CAMTA1: variants seen among roughly 807,000 people sequenced by gnomAD.
CAMTA1 encodes calmodulin-binding transcription activator 1.
Under a neutral mutation model 170.9 loss-of-function variants are expected in CAMTA1, and 27 were observed. The ratio of observed to expected loss-of-function variants is 0.16; its 90% CI spans 0.12 to 0.22. CAMTA1 has a LOEUF of 0.22. Ranked by LOEUF, CAMTA1 falls within the 10% of genes least tolerant of loss-of-function variation. The pLI is 1.00. For missense variants in CAMTA1, 1,619 were observed against 2,217.2 expected (o/e 0.73, Z 5.42); for synonymous variants, 833 against 891.5 (o/e 0.93, Z 1.17).
chr1:7,514,045 A>G (rs1446880032), intron 6 of CAMTA1, among the ~76,000 whole-genome samples: 1 of 152,242 alleles, frequency 6.6e-6, no homozygotes, highest in African/African-American at 2.4e-5. Flanking sequence ...ATCAGCAATG[A>G]GCCTTTTTCA....
chr1:6,980,509 CT>C (rs1694257113), intron 3 of CAMTA1, among the ~76,000 whole-genome samples: 1 of 152,142 alleles, frequency 6.6e-6, no homozygotes, highest in Non-Finnish European at 1.5e-5. Context: ...GACGTGACTT[CT>C]GTTAGGTTAT....
At chr1:6,966,777 A>AT (rs1205839949) in intron 3 of CAMTA1, among the ~76,000 whole-genome samples, 5 of 151,034 alleles carry the variant, frequency 3.3e-5, no homozygotes, top group Non-Finnish European at 5.9e-5. Flanking sequence ...TGCCCAGATA[A>AT]TTTTTTTGTA....
At chr1:7,136,834 C>T (rs954664709) in intron 4 of CAMTA1, among the ~76,000 whole-genome samples, 10 of 152,320 alleles carry the variant, frequency 6.6e-5, no homozygotes, top group African/African-American at 2.4e-4. Context: ...CCTTCTTTGT[C>T]CTGCTAACCC....
intron 3 of CAMTA1, among the ~76,000 whole-genome samples, chr1:6,900,965 A>T (rs538556621): frequency 1.3e-4 from 20 of 152,388 alleles, no homozygotes; most frequent in Non-Finnish European, 2.6e-4. Context: ...AAAAAGAGCA[A>T]AGCTAGGAGA....
chr1:7,082,971 C>G (rs911484911), intron 3 of CAMTA1, among the ~76,000 whole-genome samples: 6 of 152,156 alleles, frequency 3.9e-5, no homozygotes, highest in South Asian at 4.2e-4. Flanking sequence ...ATTGTTAGGG[C>G]CTTTCATAGT....
chr1:6,894,694 T>TA (rs1465505601), intron 3 of CAMTA1, among the ~76,000 whole-genome samples: 1 of 152,222 alleles, frequency 6.6e-6, no homozygotes, highest in African/African-American at 2.4e-5. Flanking sequence ...AACCTGTATT[T>TA]AAATCCACAC....
chr1:7,513,097 C>T (rs757495874), intron 6 of CAMTA1, among the ~76,000 whole-genome samples: 1 of 147,448 alleles, frequency 6.8e-6, no homozygotes, highest in African/African-American at 2.5e-5. Context: ...TGCAGGGACA[C>T]CATAGGGGAA....
Position 7,407,023 on chromosome 1 carries a change from G to A in CAMTA1, c.439-60807G>A, listed in dbSNP as rs545575524. 2.9e-4 allele frequency among the ~76,000 whole-genome samples: 44 copies of A among 152,312 alleles called. 2 individuals are homozygous for A. The South Asian group carries it at 8.5e-3, about 29-fold the overall frequency. On this transcript the variant is annotated intron_variant, in intron 5 of 22. Coordinates refer to ENST00000303635, the MANE Select transcript of CAMTA1 (RefSeq NM_015215.4). ...TGGTAGAGCTTGGAACTAAGTGCCC[G>A]CAGCCCGGCGGCACATGCAACCTTG...
At chr1:7,477,323 A>G (rs567367712) in intron 6 of CAMTA1, among the ~76,000 whole-genome samples, 1 of 152,220 alleles carries the variant, frequency 6.6e-6, no homozygotes, top group South Asian at 2.1e-4. Context: ...GAGGGTTCCT[A>G]AGCTGCCTCC....
intron 6 of CAMTA1, among the ~76,000 whole-genome samples, chr1:7,530,940 C>G (rs915679481): frequency 1.3e-5 from 2 of 151,636 alleles, no homozygotes; most frequent in African/African-American, 4.8e-5. Context: ...TCAGCCTCCC[C>G]CAAGTAGCTG....
At chr1:7,655,235 C>T (rs147009420) in intron 7 of CAMTA1, among the ~76,000 whole-genome samples, 7 of 134,956 alleles carry the variant, frequency 5.2e-5, no homozygotes, top group Non-Finnish European at 1.1e-4. Context: ...CACACACACA[C>T]CTATACACAC....
At chr1:6,916,043 C>T (rs537128278) in intron 3 of CAMTA1, among the ~76,000 whole-genome samples, 1 of 152,254 alleles carries the variant, frequency 6.6e-6, no homozygotes, top group East Asian at 1.9e-4. Context: ...CCTGTGAGTG[C>T]TGTTCGCGGT....
chr1:7,156,820 C>G (rs550081177), intron 4 of CAMTA1, among the ~76,000 whole-genome samples: 4 of 152,282 alleles, frequency 2.6e-5, no homozygotes, highest in Admixed American at 2.6e-4. Context: ...GTCTTGTCTT[C>G]ACTGCTAGCC....
At chr1:7,371,512 G>A (rs1440359838) in intron 5 of CAMTA1, among the ~76,000 whole-genome samples, 3 of 152,030 alleles carry the variant, frequency 2.0e-5, no homozygotes, top group East Asian at 1.9e-4. Flanking sequence ...TGCCCGCCTC[G>A]GCCTCCCAAA....
Position 7,144,946 on chromosome 1 carries a change from C to T in CAMTA1, c.302+53575C>T, listed in dbSNP as rs1430863888. 2.6e-5 allele frequency among the ~76,000 whole-genome samples: 4 copies of T among 152,232 alleles called. No homozygotes were observed. Among genetic ancestry groups the T allele is most frequent in the Non-Finnish European group, 4.4e-5 (3 of 68,052 alleles). On this transcript the variant is annotated intron_variant, in intron 4 of 22. Coordinates refer to ENST00000303635, the MANE Select transcript of CAMTA1 (RefSeq NM_015215.4). This position sits in a 1 kb window ranked among gnomAD's most constrained non-coding sequence, Gnocchi z 4.0. Reference sequence around the variant, plus strand: ...ATGTTACAAATGCAGACAGGAAGGCCGAGTAACCTCTCAAGCTCTGCAGCG... The same window carrying T: ...ATGTTACAAATGCAGACAGGAAGGCTGAGTAACCTCTCAAGCTCTGCAGCG...
intron 3 of CAMTA1, among the ~76,000 whole-genome samples, chr1:7,028,401 T>C (rs940819457): frequency 7.2e-5 from 11 of 152,210 alleles, no homozygotes; most frequent in African/African-American, 2.7e-4. Context: ...CATGAGCCAA[T>C]GAAACTGCTG....
chr1:7,719,880 A>G (rs1480547707), intron 11 of CAMTA1, among the ~76,000 whole-genome samples: 1 of 152,242 alleles, frequency 6.6e-6, no homozygotes, highest in Non-Finnish European at 1.5e-5. Context: ...TTGCCTCCTC[A>G]GCTCTCCCTG....
intron 5 of CAMTA1, among the ~76,000 whole-genome samples, chr1:7,372,960 C>T (rs1023806458): frequency 4.9e-4 from 75 of 152,330 alleles, no homozygotes; most frequent in African/African-American, 1.6e-3. Flanking sequence ...AGTGCTTCCA[C>T]AGTGCCTTTA....
chr1:7,080,591 A>G (rs1639873786), intron 3 of CAMTA1, among the ~76,000 whole-genome samples: 1 of 152,054 alleles, frequency 6.6e-6, no homozygotes, highest in Non-Finnish European at 1.5e-5. Context: ...CTGGAGTGTA[A>G]TGGCACGATC....
Sources: allele counts gnomAD v4.1 joint callset (sites outside exome capture counted in the v4.1 genomes callset), GRCh38; gene constraint gnomAD v4.1.1; non-coding constraint Gnocchi (gnomAD v3.1); transcripts MANE v1.5; gene names NCBI Gene and HGNC (gene_info 2026-07-23, HGNC 2026-07-21).